RC3H1: variants seen among roughly 807,000 people sequenced by gnomAD.
RC3H1 encodes roquin-1.
A neutral mutation model predicts 138.2 loss-of-function variants in RC3H1; 50 were observed. The ratio of observed to expected loss-of-function variants is 0.36; its 90% CI spans 0.29 to 0.46. The LOEUF (loss-of-function observed/expected upper bound fraction) is 0.46. Among genes scored for constraint, RC3H1 ranks in the 20% least tolerant of loss-of-function variants. The pLI is 1.00. For missense variants in RC3H1, 1,031 were observed against 1,388.1 expected (o/e 0.74, Z 4.09); for synonymous variants, 462 against 489.1 (o/e 0.94, Z 0.73).
intron 1 of RC3H1, among the ~76,000 whole-genome samples, chr1:174,014,381 T>C (rs922672141): frequency 1.3e-5 from 2 of 152,142 alleles, no homozygotes; most frequent in African/African-American, 4.8e-5. Context: ...AAAAAATCTT[T>C]CAAAAAACTC....
chr1:173,952,829 A>C (rs903678165), intron 13 of RC3H1, among the ~76,000 whole-genome samples: 1 of 152,222 alleles, frequency 6.6e-6, no homozygotes, highest in Non-Finnish European at 1.5e-5. Context: ...TTACATTTTC[A>C]AAGTGTTTTC....
At chr1:173,993,945 G>A (rs137985356) in intron 1 of RC3H1, among the ~76,000 whole-genome samples, 8,702 of 148,168 alleles carry the variant, frequency 0.059, 380 homozygotes, top group Non-Finnish European at 0.091. Context: ...GCTTAAACCC[G>A]GGAGGCGGAG....
chr1:173,952,736 G>A (rs1413437847), intron 13 of RC3H1, among the ~76,000 whole-genome samples: 1 of 152,104 alleles, frequency 6.6e-6, no homozygotes, highest in East Asian at 1.9e-4. Context: ...CTCAAGGTAA[G>A]TTCTCCAGTC....
intron 7 of RC3H1, among the ~76,000 whole-genome samples, chr1:173,974,024 G>A (rs940956155): frequency 6.6e-6 from 1 of 151,766 alleles, no homozygotes; most frequent in African/African-American, 2.4e-5. Context: ...AAGAGAAGTG[G>A]GGCCAATGTG....
chr1:173,946,671 C>G (rs1659151525), intron 16 of RC3H1, 63 bp from the exon 17 acceptor site: 1 of 1,598,008 alleles, frequency 6.3e-7, no homozygotes, highest in African/African-American at 1.3e-5. Context: ...ATATTACTGA[C>G]CAGAAAAACA....
intron 14 of RC3H1, among the ~76,000 whole-genome samples, chr1:173,948,857 G>T (rs1316353708): frequency 6.6e-6 from 1 of 151,932 alleles, no homozygotes; most frequent in Admixed American, 6.6e-5. Context: ...AAGTGCTGGG[G>T]TTACAGGTTT....
chr1:173,942,759 G>C (rs1448569323), intron 18 of RC3H1, among the ~76,000 whole-genome samples: 9 of 151,880 alleles, frequency 5.9e-5, no homozygotes. Context: ...GAACCCGGGA[G>C]GCAGAGCTTG....
Position 173,988,824 on chromosome 1 carries a change from A to G in RC3H1, c.231+3931T>C, listed in dbSNP as rs191955392. Among the ~76,000 whole-genome samples the G allele has an allele frequency of 4.3e-3, 650 of 152,206 alleles. 6 individuals are homozygous for G. The highest frequency in any genetic ancestry group is 0.015 in the African/African-American group (617 of 41,524). On this transcript the variant is annotated intron_variant, in intron 2 of 19. Transcript: ENST00000367696. Reference sequence around the variant, plus strand: ...TGCTGAGCTACTTTTCATTTTGCCAATTTTCCAACTGTATAATCTACTTGA... The same window carrying G: ...TGCTGAGCTACTTTTCATTTTGCCAGTTTTCCAACTGTATAATCTACTTGA...
At chr1:173,981,037 G>T in intron 5 of RC3H1, 28 bp from the exon 6 acceptor site, 1 of 1,586,244 alleles carries the variant, frequency 6.3e-7, no homozygotes, top group South Asian at 1.1e-5. Context: ...ATCTCATAAT[G>T]AAGTCAAAAA....
chr1:173,940,497 A>T (rs1285490165), intron 19 of RC3H1, among the ~76,000 whole-genome samples: 1 of 152,114 alleles, frequency 6.6e-6, no homozygotes, highest in East Asian at 1.9e-4. Flanking sequence ...AAGATAATAT[A>T]ATACACCAAA....
intron 15 of RC3H1, among the ~76,000 whole-genome samples, 191 bp from the exon 16 acceptor site, chr1:173,947,027 G>A (rs984062353): frequency 6.6e-6 from 1 of 152,092 alleles, no homozygotes; most frequent in Non-Finnish European, 1.5e-5. Context: ...GCTGATATAT[G>A]TTTGTTTCTT....
chr1:173,941,329 C>T lies in RC3H1; in HGVS notation c.3187G>A (p.Ala1063Thr). 6.2e-7 allele frequency: 1 copy of T among 1,613,886 alleles called. No homozygotes were observed. The change falls in exon 19 of 20, where the codon GCA (alanine) becomes ACA (threonine). Residue 1063 changes from alanine to threonine, a missense_variant. Physicochemically the swap from Ala to Thr is moderately conservative, Grantham distance 58. Coordinates refer to ENST00000367696, the MANE Select transcript of RC3H1 (RefSeq NM_172071.4). ...TGTGGTTCTGGTTGTCCATTTTCTG[C>T]TTGTTTACTTGTATTCAGTTTGCTT... ...MKSKLNTSKQ[A>T]ENGQPEPQNK...
Position 173,934,935 on chromosome 1 carries a change from T to G in RC3H1, c.*3786A>C, listed in dbSNP as rs142957658. 6.6e-6 allele frequency: 1 copy of G among 152,180 alleles called. No individual in the cohort carries two copies. Among genetic ancestry groups the G allele is most frequent in the African/African-American group, 2.4e-5 (1 of 41,456 alleles). 9.4% of individuals were successfully genotyped at this position (152,180 alleles called of 1,614,324 possible). On this transcript the variant is annotated 3_prime_UTR_variant, in exon 20 of 20. Coordinates refer to ENST00000367696, the MANE Select transcript of RC3H1 (RefSeq NM_172071.4). ...GTAGCAAATGAGAATCATACCAATA[T>G]TCTTTTAGGCAAAAGAAATACATGG...
At position 173,983,500 on chromosome 1, in the gene RC3H1, A is replaced by T; in HGVS notation, c.510T>A (p.Ile170=). 1.2e-6 allele frequency: 2 copies of T among 1,614,176 alleles called. No homozygotes were observed. Among genetic ancestry groups the T allele is most frequent in the Non-Finnish European group, 1.7e-6 (2 of 1,180,030 alleles). ...SLGERTVTEL[I]LQHQNPQQLS... is the part of the protein sequence containing the mutation. ...GTTGCTGAGGATTCTGGTGCTGGAG[A>T]ATGAGCTCTGTAACTGTTCGTTCAC... Residue 170 remains isoleucine, a synonymous_variant, in exon 4 of 20, where the codon ATT becomes ATA. Transcript: ENST00000367696.
rs146597992 is a variant in RC3H1 at position 173,987,111 on chromosome 1, C to T, written c.232-2492G>A. Among the ~76,000 whole-genome samples the T allele has an allele frequency of 5.9e-5, 9 of 152,224 alleles. No homozygotes were observed. In the South Asian group the frequency reaches 1.0e-3, roughly 18 times the overall value. On this transcript the variant is annotated intron_variant, in intron 2 of 19. Coordinates refer to ENST00000367696, the MANE Select transcript of RC3H1 (RefSeq NM_172071.4). ...ACACCACCAACACAACTTATTATTG[C>T]TGATGTTAAATTTGAACAGCTGGTT... is the stretch of plus-strand genomic sequence containing the variant.
intron 2 of RC3H1, among the ~76,000 whole-genome samples, chr1:173,989,193 C>T (rs981172533): frequency 6.6e-6 from 1 of 152,144 alleles, no homozygotes; most frequent in Non-Finnish European, 1.5e-5. Context: ...CCATCACACC[C>T]AGCAATTTTT....
At chr1:173,945,263 C>A (rs1029826304) in intron 17 of RC3H1, among the ~76,000 whole-genome samples, 1 of 151,860 alleles carries the variant, frequency 6.6e-6, no homozygotes, top group Admixed American at 6.6e-5. Flanking sequence ...GTAGCTGAGA[C>A]TACAGGCGTG....
chr1:173,963,136 A>G (rs2102936557), intron 11 of RC3H1, among the ~76,000 whole-genome samples: 1 of 152,286 alleles, frequency 6.6e-6, no homozygotes, highest in Non-Finnish European at 1.5e-5. Flanking sequence ...ACCTGGTATT[A>G]TCATTAAAGC....
chr1:173,954,148 T>G (rs1404681450), intron 13 of RC3H1, among the ~76,000 whole-genome samples: 1 of 152,114 alleles, frequency 6.6e-6, no homozygotes, highest in Non-Finnish European at 1.5e-5. Context: ...TCATGTTTTA[T>G]TCCCAATAGC....
Sources: allele counts gnomAD v4.1 joint callset (sites outside exome capture counted in the v4.1 genomes callset), GRCh38; gene constraint gnomAD v4.1.1; transcripts MANE v1.5; gene names NCBI Gene and HGNC (gene_info 2026-07-23, HGNC 2026-07-21).